The following ANKRD28 variants were observed in gnomAD, a reference collection of about 807,000 sequenced individuals.
ANKRD28 encodes the protein serine/threonine-protein phosphatase 6 regulatory ankyrin repeat subunit A.
A neutral mutation model predicts 126.5 loss-of-function variants in ANKRD28; 44 were observed. The observed-to-expected ratio is 0.35, with a 90% CI of 0.27 to 0.45. The LOEUF (loss-of-function observed/expected upper bound fraction) is 0.45, where lower values mean the gene tolerates loss of function less well. Ranked by LOEUF, ANKRD28 falls within the 20% of genes least tolerant of loss-of-function variation. The pLI is 1.00. For missense variants in ANKRD28, 1,110 were observed against 1,316.6 expected, an observed-to-expected ratio of 0.84 and a Z score of 2.43; for synonymous variants, 442 against 468.5, an observed-to-expected ratio of 0.94 and a Z score of 0.73.
At chr3:15,769,206 C>T (rs769005735) in intron 2 of ANKRD28, among the ~76,000 whole-genome samples, 11 of 152,132 alleles carry the variant, frequency 7.2e-5, no homozygotes, top group Non-Finnish European at 1.2e-4. Flanking sequence ...CAATGCCTCT[C>T]GAATCCCATT....
At chr3:15,829,162 C>A (rs1052392273) in intron 1 of ANKRD28, among the ~76,000 whole-genome samples, 1 of 152,094 alleles carries the variant, frequency 6.6e-6, no homozygotes, top group Non-Finnish European at 1.5e-5. Context: ...TACCGAATTG[C>A]TTAAAAGTAT....
chr3:15,840,262 T>G (rs1265912989), intron 1 of ANKRD28, among the ~76,000 whole-genome samples: 1 of 151,904 alleles, frequency 6.6e-6, no homozygotes, highest in Non-Finnish European at 1.5e-5. Context: ...GCAAACAATC[T>G]GAAAAAGAAA....
chr3:15,676,834 G>A (rs942311748), intron 26 of ANKRD28, 140 bp downstream of exon 26: 4 of 580,880 alleles, frequency 6.9e-6, no homozygotes, highest in Non-Finnish European at 1.2e-5. Flanking sequence ...TTAGAAATGA[G>A]TTTTGACAGT....
chr3:15,813,920 AAAAT>A (rs969327170), intron 1 of ANKRD28, among the ~76,000 whole-genome samples: 8 of 152,236 alleles, frequency 5.3e-5, no homozygotes, highest in African/African-American at 1.9e-4. Context: ...ATTTCAGAAC[AAAAT>A]AAATAAAACT....
At chr3:15,683,809 T>C (rs2125736844) in intron 21 of ANKRD28, 1 of 152,340 alleles carries the variant, frequency 6.6e-6, no homozygotes, top group African/African-American at 2.4e-5. Flanking sequence ...TGCTTTAACT[T>C]GATAACTTTG....
chr3:15,731,382 A>C (rs980737057), intron 6 of ANKRD28, among the ~76,000 whole-genome samples: 61 of 152,216 alleles, frequency 4.0e-4, no homozygotes, highest in Non-Finnish European at 5.1e-4. Context: ...AAGCCTCTTA[A>C]CGTAAGATGT....
chr3:15,679,373 T>C lies in ANKRD28; in HGVS notation c.2489A>G (p.Asn830Ser), dbSNP rs369791320. 3.1e-6 allele frequency: 5 copies of C among 1,614,004 alleles called. No individual in the cohort carries two copies. Among genetic ancestry groups the C allele is most frequent in the Non-Finnish European group, 1.7e-6 (2 of 1,179,874 alleles). The change falls in exon 23 of 28, where the codon AAC becomes AGC. Residue 830 changes from asparagine (N) to serine (S), a missense_variant. By Grantham distance (46) the Asn-to-Ser change is conservative. Transcript: ENST00000683139. ...AATTAACATCTCAGCAGCACCTTCGTTGTCATTTATCCTGTGTAAGGTAAC... is the reference window on the plus strand; with the variant it reads ...AATTAACATCTCAGCAGCACCTTCGCTGTCATTTATCCTGTGTAAGGTAAC... ...SPLHCAVIND[N>S]EGAAEMLIDT...
At chr3:15,832,288 T>C (rs1182198989) in intron 1 of ANKRD28, among the ~76,000 whole-genome samples, 3 of 152,218 alleles carry the variant, frequency 2.0e-5, no homozygotes, top group Non-Finnish European at 4.4e-5. Flanking sequence ...AATATTATTT[T>C]GCATTTTATT....
chr3:15,678,401 A>G (rs756030468), intron 23 of ANKRD28, 47 bp from the exon 24 acceptor site: 39 of 1,523,054 alleles, frequency 2.6e-5, no homozygotes, highest in Non-Finnish European at 3.4e-5. Context: ...TGAATGTTAT[A>G]TATGCTGGAA....
chr3:15,678,343 T>C lies in ANKRD28; in HGVS notation c.2573A>G (p.His858Arg). ...ATDSKGRTPL[H>R]AAAFTDHVEC... ...TACATGGTCTGTGAAGGCGGCTGCATGGAGAGGAGTTCTGTGATAAAGAAA... is the reference window on the plus strand; with the variant it reads ...TACATGGTCTGTGAAGGCGGCTGCACGGAGAGGAGTTCTGTGATAAAGAAA... The change falls in exon 24 of 28, where the codon CAT becomes CGT. Residue 858 changes from histidine to arginine, a missense_variant. Physicochemically the swap from His to Arg is conservative, Grantham distance 29 (BLOSUM62 0). Transcript: ENST00000683139. 6.2e-7 allele frequency: 1 copy of C among 1,604,732 alleles called. No homozygotes were observed. Among genetic ancestry groups the C allele is most frequent in the Non-Finnish European group, 8.5e-7 (1 of 1,176,880 alleles).
At chr3:15,731,598 A>C (rs1331692126) in intron 6 of ANKRD28, among the ~76,000 whole-genome samples, 1 of 152,138 alleles carries the variant, frequency 6.6e-6, no homozygotes, top group Non-Finnish European at 1.5e-5. Context: ...GGTGTAAACC[A>C]CCATACACCA....
intron 8 of ANKRD28, among the ~76,000 whole-genome samples, chr3:15,714,980 T>G (rs1175889611): frequency 6.6e-6 from 1 of 152,162 alleles, no homozygotes; most frequent in East Asian, 1.9e-4. Context: ...TTCTGAATCC[T>G]TCCTTGACCA....
chr3:15,809,784 A>C (rs1024097137), intron 1 of ANKRD28, among the ~76,000 whole-genome samples: 1 of 152,220 alleles, frequency 6.6e-6, no homozygotes, highest in African/African-American at 2.4e-5. Context: ...TAAATCATAG[A>C]TAAAATGTTG....
intron 1 of ANKRD28, among the ~76,000 whole-genome samples, chr3:15,837,838 A>T (rs761774502): frequency 6.6e-6 from 1 of 151,902 alleles, no homozygotes; most frequent in Non-Finnish European, 1.5e-5. Flanking sequence ...TGAAAACCAA[A>T]ATTTGGTTTT....
Position 15,677,046 on chromosome 3 carries a change from G to A in ANKRD28, c.2801C>T (p.Thr934Ile). Residue 934 changes from threonine to isoleucine, a missense_variant, in exon 26 of 28, where the codon ACT (threonine) becomes ATT (isoleucine). Physicochemically the swap from Thr to Ile is moderately conservative, Grantham distance 89. Transcript: ENST00000683139. ...CTTTTCCAGTATTAACAAGGCACTA[G>A]TTTCATGACCCTATAATTGTGGCAG... ...LHLACSKGHE[T>I]SALLILEKIT... 1 of 1,612,860 alleles carries A rather than the reference G, an allele frequency of 6.2e-7. No individual in the cohort carries two copies. The highest frequency in any genetic ancestry group is 8.5e-7 in the Non-Finnish European group (1 of 1,179,256).
At chr3:15,790,922 A>C (rs1203214685) in intron 2 of ANKRD28, among the ~76,000 whole-genome samples, 1 of 152,130 alleles carries the variant, frequency 6.6e-6, no homozygotes, top group African/African-American at 2.4e-5. Flanking sequence ...AGAACTGATA[A>C]ATTCAGTAAA....
intron 7 of ANKRD28, among the ~76,000 whole-genome samples, chr3:15,721,808 G>C (rs187743672): frequency 6.6e-6 from 1 of 152,156 alleles, no homozygotes; most frequent in Non-Finnish European, 1.5e-5. Flanking sequence ...TGAGTGGCAC[G>C]ATCTCAGCTC....
intron 1 of ANKRD28, among the ~76,000 whole-genome samples, chr3:15,825,896 C>T (rs1270327788): frequency 6.6e-6 from 1 of 152,134 alleles, no homozygotes; most frequent in Non-Finnish European, 1.5e-5. Flanking sequence ...CAAAGTATCA[C>T]TCATATACAT....
chr3:15,834,079 T>A (rs938781470), intron 1 of ANKRD28, among the ~76,000 whole-genome samples: 2 of 152,206 alleles, frequency 1.3e-5, no homozygotes, highest in African/African-American at 4.8e-5. Context: ...GAAAGCTTTT[T>A]TAAAATTGTC....
Sources: allele counts gnomAD v4.1 joint callset (sites outside exome capture counted in the v4.1 genomes callset), GRCh38; gene constraint gnomAD v4.1.1; transcripts MANE v1.5; gene names NCBI Gene and HGNC (gene_info 2026-07-23, HGNC 2026-07-21).